Variants in ATP2C2 observed in about 807,000 individuals in gnomAD.
ATP2C2 encodes the protein calcium-transporting ATPase type 2C member 2.
In ATP2C2, 171 loss-of-function variants were observed where a neutral mutation model predicts 110.8. The ratio of observed to expected loss-of-function variants is 1.54; its 90% confidence interval spans 1.36 to 1.75. The LOEUF (loss-of-function observed/expected upper bound fraction) is 1.75. Among genes scored for constraint, ATP2C2 ranks in the 40% most tolerant of loss-of-function variants. ATP2C2 has a pLI of 0.00. For synonymous variants in ATP2C2, 804 were observed against 508.4 expected (o/e 1.58, Z -7.82); for missense variants, 1,963 against 1,235.0 (o/e 1.59, Z -8.84).
At chr16:84,423,859 C>G (rs1167702479) in intron 10 of ATP2C2, among the ~76,000 whole-genome samples, 2 of 152,204 alleles carry the variant, frequency 1.3e-5, no homozygotes, top group African/African-American at 4.8e-5. Context: ...TGGACTGGGA[C>G]TTCCTGACCT....
chr16:84,460,645 T>C lies in ATP2C2; in HGVS notation c.2334-9T>C. 11 of 1,614,194 alleles carry C rather than the reference T, an allele frequency of 6.8e-6. 1 individual carries two copies. Among genetic ancestry groups the C allele is most frequent in the African/African-American group, 2.7e-5 (2 of 75,056 alleles). On this transcript the variant is annotated splice_polypyrimidine_tract_variant and intron_variant, in intron 23 of 26. Transcript: ENST00000262429. ...TCATTTCAAAGTGTCTGTGTCTTGT[T>C]CGGAGCAGCTTGGGGGTAGAGCCCG... is the stretch of plus-strand genomic sequence containing the variant.
chr16:84,446,354 C>A lies in ATP2C2; in HGVS notation c.1427C>A (p.Ser476Ter). Residue 476 changes from serine (S) to a stop codon, truncating the protein, a stop_gained, in exon 16 of 27, where the codon TCA (serine) becomes TAA (stop). Coordinates refer to ENST00000262429, the MANE Select transcript of ATP2C2 (RefSeq NM_014861.4). LOFTEE classifies it high-confidence loss of function. ...ATGGACTTAAGTGATATTAAAAATT[C>A]ATATATAAGAAAAAAAGAGATTCCA... ...MKMDLSDIKNSYIRKKEIPFS... is the reference protein window; with the variant it reads ...MKMDLSDIKN 1.3e-6 allele frequency: 2 copies of A among 1,592,576 alleles called. No individual in the cohort carries two copies. Among genetic ancestry groups the A allele is most frequent in the Admixed American group, 1.8e-5 (1 of 55,856 alleles).
chr16:84,439,014 A>C lies in ATP2C2; in HGVS notation c.987-152A>C, dbSNP rs1908993321. ...GACAGTGGGTGCTGCAGAAGGAGGCAGGTGCACCTTAGGATTGGGAATGGA... is the reference window on the plus strand; with the variant it reads ...GACAGTGGGTGCTGCAGAAGGAGGCCGGTGCACCTTAGGATTGGGAATGGA... On this transcript the variant is annotated intron_variant, in intron 11 of 26. Coordinates refer to ENST00000262429, the MANE Select transcript of ATP2C2 (RefSeq NM_014861.4). 534 of 972,454 alleles carry C rather than the reference A, an allele frequency of 5.5e-4. 1 individual carries two copies. Among genetic ancestry groups the C allele is most frequent in the Non-Finnish European group, 7.1e-4 (469 of 661,452 alleles). The allele number at this position is 972,454 out of a possible 1,614,324, so 60.2% of individuals were successfully genotyped here.
intron 1 of ATP2C2, among the ~76,000 whole-genome samples, chr16:84,396,549 C>CAAAAAAAAAAAAAA (rs57290176): frequency 1.3e-5 from 1 of 74,808 alleles, no homozygotes. Flanking sequence ...GGCTCTATCT[C>CAAAAAAAAAAAAAA]AAAAAAAAAA....
At chr16:84,453,679 A>T (rs548319628) in intron 20 of ATP2C2, among the ~76,000 whole-genome samples, 1 of 152,278 alleles carries the variant, frequency 6.6e-6, no homozygotes, top group South Asian at 2.1e-4. Context: ...GGATGCTGGG[A>T]AGTGTCATCT....
intron 11 of ATP2C2, among the ~76,000 whole-genome samples, chr16:84,437,385 A>G (rs1479434500): frequency 6.6e-5 from 10 of 150,924 alleles, no homozygotes; most frequent in African/African-American, 2.4e-4. Flanking sequence ...TGTATATATA[A>G]TTTTTTTTTT....
intron 1 of ATP2C2, among the ~76,000 whole-genome samples, chr16:84,379,559 G>C (rs1910453973): frequency 6.6e-6 from 1 of 152,198 alleles, no homozygotes; most frequent in Non-Finnish European, 1.5e-5. Flanking sequence ...CAGAATCTCA[G>C]GTTCCACCCT....
intron 20 of ATP2C2, among the ~76,000 whole-genome samples, chr16:84,453,649 G>A (rs890099056): frequency 6.6e-6 from 1 of 152,176 alleles, no homozygotes; most frequent in Non-Finnish European, 1.5e-5. Context: ...CACAGTCACG[G>A]GCCCAGGTTT....
In ATP2C2 at chr16:84,408,423, C is replaced by A. The variant is rs750980450; in HGVS notation, c.346C>A (p.Leu116Met). Reference sequence around the variant, plus strand: ...TCTTCAGTTTAAGAACCCCCTGATCCTGCTGCTGCTGGGCTCTGCCCTGGT... The same window carrying A: ...TCTTCAGTTTAAGAACCCCCTGATCATGCTGCTGCTGGGCTCTGCCCTGGT... ...YLDQFKNPLI[L>M]LLLGSALVSV... Residue 116 changes from leucine (L) to methionine (M), a missense_variant, in exon 4 of 27, where the codon CTG (leucine) becomes ATG (methionine). Transcript: ENST00000262429. The A allele has an allele frequency of 7.4e-6, 12 of 1,612,816 alleles. No homozygotes were observed. In the African/African-American group the frequency reaches 1.6e-4, roughly 22 times the overall value.
At chr16:84,401,966 G>A (rs1905353502) in intron 2 of ATP2C2, among the ~76,000 whole-genome samples, 1 of 152,110 alleles carries the variant, frequency 6.6e-6, no homozygotes, top group Admixed American at 6.5e-5. Context: ...CCATGAACAT[G>A]GAATATCTTT....
At chr16:84,391,845 T>C (rs1044802387) in intron 1 of ATP2C2, among the ~76,000 whole-genome samples, 2 of 152,140 alleles carry the variant, frequency 1.3e-5, no homozygotes, top group African/African-American at 4.8e-5. Flanking sequence ...CAAAGTTGAA[T>C]TGAAACTGTT....
At chr16:84,422,742 T>C (rs760116364) in intron 9 of ATP2C2, 45 bp downstream of exon 9, 1 of 1,562,534 alleles carries the variant, frequency 6.4e-7, no homozygotes, top group East Asian at 2.2e-5. Flanking sequence ...AGCTGGAGTT[T>C]GAGATTATTA....
chr16:84,388,467 T>C, intron 1 of ATP2C2, among the ~76,000 whole-genome samples: 1 of 152,206 alleles, frequency 6.6e-6, no homozygotes, highest in South Asian at 2.1e-4. Context: ...AGTTTCTGCA[T>C]TTCTAACAAT....
chr16:84,418,303 CTA>C (rs1907018099), intron 7 of ATP2C2, among the ~76,000 whole-genome samples: 1 of 152,144 alleles, frequency 6.6e-6, no homozygotes, highest in Non-Finnish European at 1.5e-5. Context: ...TCCCCCGACT[CTA>C]TTTTCGCCCC....
intron 11 of ATP2C2, among the ~76,000 whole-genome samples, chr16:84,436,741 C>T (rs1055347084): frequency 6.6e-6 from 1 of 150,754 alleles, no homozygotes. Flanking sequence ...TCTCCTCCCC[C>T]TCCCCATCGC....
At chr16:84,458,990 G>C in intron 21 of ATP2C2, 130 bp from the exon 22 acceptor site, 1 of 984,428 alleles carries the variant, frequency 1.0e-6, no homozygotes, top group Non-Finnish European at 1.6e-6. Context: ...ATGCCAGCAA[G>C]GGGAACCAGC....
At chr16:84,434,729 G>C (rs1427317053) in intron 11 of ATP2C2, among the ~76,000 whole-genome samples, 1 of 151,938 alleles carries the variant, frequency 6.6e-6, no homozygotes, top group African/African-American at 2.4e-5. Context: ...CGTTGGCCAG[G>C]CTAGTCTCAA....
intron 11 of ATP2C2, among the ~76,000 whole-genome samples, chr16:84,429,124 G>C (rs1033876519): frequency 6.8e-4 from 95 of 139,792 alleles, no homozygotes; most frequent in African/African-American, 2.5e-3. Context: ...TGAACAGAAC[G>C]ATCTTCATGG....
At chr16:84,402,943 A>T (rs890831924) in intron 2 of ATP2C2, among the ~76,000 whole-genome samples, 1 of 152,100 alleles carries the variant, frequency 6.6e-6, no homozygotes, top group Non-Finnish European at 1.5e-5. Flanking sequence ...ACTTTTTATT[A>T]TGGCTTTGAT....
Sources: gnomAD v4.1 joint callset for allele counts (sites outside exome capture counted in the v4.1 genomes callset) on GRCh38, gnomAD v4.1.1 for gene constraint, MANE v1.5 for transcripts, NCBI Gene and HGNC (gene_info 2026-07-23, HGNC 2026-07-21) for gene names.